The following BBX variants were observed in gnomAD, a reference collection of about 807,000 sequenced individuals.
BBX encodes BBX high mobility group box domain containing, also known as HMG box transcription factor BBX.
In BBX, 30 loss-of-function variants were observed where a neutral mutation model predicts 100.2. The observed-to-expected ratio is 0.30, with a 90% confidence interval of 0.22 to 0.41. The LOEUF is 0.41. Among genes scored for constraint, BBX ranks in the 10% least tolerant of loss-of-function variants. The pLI is 1.00. For missense variants in BBX, 1,023 were observed against 1,129.8 expected, an observed-to-expected ratio of 0.91 and a Z score of 1.35; for synonymous variants, 376 against 388.1, an observed-to-expected ratio of 0.97 and a Z score of 0.37.
intron 3 of BBX, among the ~76,000 whole-genome samples, chr3:107,693,503 A>T (rs1172895611): frequency 6.6e-6 from 1 of 151,260 alleles, no homozygotes; most frequent in Non-Finnish European, 1.5e-5. Flanking sequence ...AAGATCAGAT[A>T]GTTGTAGATA....
At chr3:107,635,411 C>A (rs1397783515) in intron 2 of BBX, among the ~76,000 whole-genome samples, 1 of 152,094 alleles carries the variant, frequency 6.6e-6, no homozygotes, top group Non-Finnish European at 1.5e-5. Context: ...ATACTGCCAT[C>A]CATAAGCAAA....
intron 2 of BBX, among the ~76,000 whole-genome samples, chr3:107,588,100 A>G (rs1280905508): frequency 6.6e-6 from 1 of 152,042 alleles, no homozygotes; most frequent in African/African-American, 2.4e-5. Context: ...TTTTTGTTTT[A>G]TTATTCTCTT....
intron 6 of BBX, among the ~76,000 whole-genome samples, chr3:107,730,452 G>A (rs1240172259): frequency 1.3e-5 from 2 of 149,056 alleles, no homozygotes; most frequent in Non-Finnish European, 3.0e-5. Flanking sequence ...CCAATTCTCA[G>A]TCTAGATCCA....
At chr3:107,710,921 C>T (rs2061677890) in intron 4 of BBX, among the ~76,000 whole-genome samples, 1 of 152,150 alleles carries the variant, frequency 6.6e-6, no homozygotes, top group Non-Finnish European at 1.5e-5. Flanking sequence ...ACTTGATGTG[C>T]TCATCTGACG....
chr3:107,793,348 A>T (rs558880896), intron 15 of BBX, among the ~76,000 whole-genome samples: 4 of 152,258 alleles, frequency 2.6e-5, no homozygotes, highest in South Asian at 2.1e-4. Context: ...ATATGAAACA[A>T]CTTTTGGAGA....
At chr3:107,805,179 A>AG (rs2108068173) in intron 17 of BBX, among the ~76,000 whole-genome samples, 191 bp from the exon 18 acceptor site, 1 of 152,278 alleles carries the variant, frequency 6.6e-6, no homozygotes, top group South Asian at 2.1e-4. Flanking sequence ...GGAAGGAGGA[A>AG]GGGGAAAAAA....
At chr3:107,659,795 T>C (rs1375830087) in intron 3 of BBX, 2 of 1,244,036 alleles carry the variant, frequency 1.6e-6, no homozygotes, top group Non-Finnish European at 2.1e-6. Flanking sequence ...ACAGAAGTGG[T>C]ACCCTGGGTT....
chr3:107,803,043 C>T (rs1274792898), intron 17 of BBX, among the ~76,000 whole-genome samples: 1 of 152,140 alleles, frequency 6.6e-6, no homozygotes, highest in Non-Finnish European at 1.5e-5. Context: ...GAAAGCAAAA[C>T]AGTGGTTTTA....
At chr3:107,757,792 T>C (rs1225901693) in intron 10 of BBX, among the ~76,000 whole-genome samples, 1 of 152,234 alleles carries the variant, frequency 6.6e-6, no homozygotes, top group Non-Finnish European at 1.5e-5. Context: ...TCTGATGCAT[T>C]TTAAGATAAA....
intron 3 of BBX, among the ~76,000 whole-genome samples, chr3:107,668,672 C>G (rs1362885460): frequency 1.3e-5 from 2 of 152,202 alleles, no homozygotes; most frequent in African/African-American, 4.8e-5. Flanking sequence ...TCAGCTGTTT[C>G]TTCAAAATTA....
chr3:107,550,318 A>G (rs2049563522), intron 2 of BBX, among the ~76,000 whole-genome samples: 1 of 152,136 alleles, frequency 6.6e-6, no homozygotes, highest in South Asian at 2.1e-4. Flanking sequence ...GGAGAGGTAC[A>G]GACAATATGG....
chr3:107,629,470 T>C (rs1253179856), intron 2 of BBX, among the ~76,000 whole-genome samples: 1 of 152,202 alleles, frequency 6.6e-6, no homozygotes, highest in Non-Finnish European at 1.5e-5. Flanking sequence ...TGTTTGAAGC[T>C]ACTGTGAAAT....
chr3:107,699,548 T>C (rs2060897128), intron 3 of BBX, among the ~76,000 whole-genome samples: 1 of 151,974 alleles, frequency 6.6e-6, no homozygotes, highest in African/African-American at 2.4e-5. Context: ...AGCAAAGCTA[T>C]AGGTAAGAAG....
chr3:107,565,948 C>T lies in BBX; in HGVS notation c.-84+39550C>T, dbSNP rs558429250. Among the ~76,000 whole-genome samples the T allele has an allele frequency of 2.6e-5, 4 of 151,154 alleles. No individual in the cohort carries two copies. In the South Asian group the frequency reaches 6.3e-4, roughly 24 times the overall value. Reference sequence around the variant, plus strand: ...TAGCACTTTGAGAGGCTGAGACAGGCGGATCACCTGAGGTGAGGAGCTCAA... The same window carrying T: ...TAGCACTTTGAGAGGCTGAGACAGGTGGATCACCTGAGGTGAGGAGCTCAA... On this transcript the variant is annotated intron_variant, in intron 2 of 17. Coordinates refer to ENST00000325805, the MANE Select transcript of BBX (RefSeq NM_001142568.3).
At chr3:107,616,881 A>G (rs1038663316) in intron 2 of BBX, among the ~76,000 whole-genome samples, 9 of 152,124 alleles carry the variant, frequency 5.9e-5, no homozygotes, top group African/African-American at 1.4e-4. Context: ...AGAAAAGCAA[A>G]TGTTTCAAAT....
chr3:107,700,761 A>G (rs1368562074), intron 3 of BBX, among the ~76,000 whole-genome samples: 6 of 151,802 alleles, frequency 4.0e-5, no homozygotes, highest in East Asian at 1.9e-4. Context: ...TACAAAGGAC[A>G]TGAACTCATC....
chr3:107,681,768 CTTACTATTTTAT>C (rs2059585878), intron 3 of BBX, among the ~76,000 whole-genome samples: 1 of 152,082 alleles, frequency 6.6e-6, no homozygotes, highest in Non-Finnish European at 1.5e-5. Context: ...GATTTCCACA[CTTACTATTTTAT>C]TAAGGTGAAC....
chr3:107,561,976 TG>T (rs1310993270), intron 2 of BBX, among the ~76,000 whole-genome samples: 5 of 152,214 alleles, frequency 3.3e-5, no homozygotes, highest in Non-Finnish European at 7.4e-5. Context: ...TTATTGCATT[TG>T]GGGATACATT....
Position 107,801,280 on chromosome 3 carries a change from A to C in BBX, c.2737A>C (p.Arg913=). ...AEVAAMENVH[R]GQRSTPLTHD... is the part of the protein sequence containing the mutation. ...AGTGGCAGCCATGGAAAATGTGCAC[A>C]GGTTAGTGGTAGAAGGTGGAAGGAG... Residue 913 remains arginine, a splice_region_variant and synonymous_variant, in exon 17 of 18, where the codon AGA becomes CGA. Coordinates refer to ENST00000325805, the MANE Select transcript of BBX (RefSeq NM_001142568.3). 1 of 1,613,416 alleles carries C rather than the reference A, an allele frequency of 6.2e-7. No homozygotes were observed. The highest frequency in any genetic ancestry group is 8.5e-7 in the Non-Finnish European group (1 of 1,179,602).
Sources: gnomAD v4.1 joint callset for allele counts (sites outside exome capture counted in the v4.1 genomes callset) on GRCh38, gnomAD v4.1.1 for gene constraint, MANE v1.5 for transcripts, NCBI Gene and HGNC (gene_info 2026-07-23, HGNC 2026-07-21) for gene names.